Variants in ATP6V1C2 observed in about 807,000 individuals in gnomAD.
The protein encoded by ATP6V1C2 is V-type proton ATPase subunit C 2.
In ATP6V1C2, 45 loss-of-function variants were observed where a neutral mutation model predicts 56.8. The observed-to-expected ratio is 0.79, with a 90% confidence interval of 0.62 to 1.02. The LOEUF (loss-of-function observed/expected upper bound fraction) is 1.02, where lower values mean the gene tolerates loss of function less well. Ranked by LOEUF, ATP6V1C2 falls within the 50% of genes least tolerant of loss-of-function variation. The pLI is 0.00. For missense variants in ATP6V1C2, 463 were observed against 519.7 expected, an observed-to-expected ratio of 0.89 and a Z score of 1.06; for synonymous variants, 220 against 201.3, an observed-to-expected ratio of 1.09 and a Z score of -0.79.
At chr2:10,759,227 C>T (rs1257233898) in intron 4 of ATP6V1C2, among the ~76,000 whole-genome samples, 3 of 152,200 alleles carry the variant, frequency 2.0e-5, no homozygotes, top group Admixed American at 6.5e-5. Flanking sequence ...CTCTTGGCTT[C>T]GTCAGGACCG....
chr2:10,762,823 G>A (rs1455167848), intron 4 of ATP6V1C2, among the ~76,000 whole-genome samples: 1 of 151,808 alleles, frequency 6.6e-6, no homozygotes, highest in Non-Finnish European at 1.5e-5. Context: ...CTGTCTAGTC[G>A]GTCCTCCCCT....
chr2:10,773,758 C>G (rs1287847497), intron 8 of ATP6V1C2, among the ~76,000 whole-genome samples: 1 of 152,222 alleles, frequency 6.6e-6, no homozygotes, highest in East Asian at 1.9e-4. Context: ...GAATGCGCGT[C>G]AGGCAGCCAG....
intron 4 of ATP6V1C2, among the ~76,000 whole-genome samples, chr2:10,756,549 C>T (rs1191727818): frequency 1.3e-5 from 2 of 151,832 alleles, no homozygotes; most frequent in Non-Finnish European, 2.9e-5. Context: ...GAAATACTGT[C>T]TCTACTAAAA....
intron 3 of ATP6V1C2, among the ~76,000 whole-genome samples, chr2:10,738,630 T>C (rs1426942878): frequency 6.6e-6 from 1 of 152,170 alleles, no homozygotes; most frequent in East Asian, 1.9e-4. Context: ...TGGCAGCCAT[T>C]TGGACGTTCC....
At chr2:10,736,276 G>A (rs1268854822) in intron 3 of ATP6V1C2, among the ~76,000 whole-genome samples, 1 of 152,180 alleles carries the variant, frequency 6.6e-6, no homozygotes, top group African/African-American at 2.4e-5. Context: ...ATGTCATTAT[G>A]ACATGTTTGG....
intron 4 of ATP6V1C2, among the ~76,000 whole-genome samples, chr2:10,756,848 G>A (rs58364209): frequency 0.19 from 29,307 of 151,998 alleles, 3,123 homozygotes; most frequent in East Asian, 0.37. Context: ...TGTTCACACA[G>A]TGACAAAAAT....
chr2:10,723,837 CA>C (rs145669254), intron 2 of ATP6V1C2, among the ~76,000 whole-genome samples: 57 of 122,972 alleles, frequency 4.6e-4, no homozygotes, highest in African/African-American at 9.2e-4. Flanking sequence ...GACTCTGTCT[CA>C]AAAAAAAAAA....
At chr2:10,746,566 G>A (rs1481882644) in intron 3 of ATP6V1C2, among the ~76,000 whole-genome samples, 1 of 151,648 alleles carries the variant, frequency 6.6e-6, no homozygotes, top group African/African-American at 2.4e-5. Context: ...GCGCCCACCA[G>A]CACGCCAGGC....
chr2:10,757,345 A>T, intron 4 of ATP6V1C2: 1 of 398,018 alleles, frequency 2.5e-6, no homozygotes. Flanking sequence ...TTAAATTGAC[A>T]TATGGAAATG....
In ATP6V1C2 at chr2:10,726,574, A is replaced by C. The variant is rs778967006; in HGVS notation, c.197+5A>C. ...ACTCGACACCTTTGCTGAAAGGTAAAATATTCCTTATTTACTACATACAAG... is the reference window on the plus strand; with the variant it reads ...ACTCGACACCTTTGCTGAAAGGTAACATATTCCTTATTTACTACATACAAG... On this transcript the variant is annotated splice_donor_5th_base_variant and intron_variant, in intron 3 of 13. Transcript: ENST00000272238. 2 of 1,608,578 alleles carry C rather than the reference A, an allele frequency of 1.2e-6. No homozygotes were observed. Among genetic ancestry groups the C allele is most frequent in the Non-Finnish European group, 1.7e-6 (2 of 1,175,002 alleles).
At chr2:10,779,089 A>G in intron 12 of ATP6V1C2, among the ~76,000 whole-genome samples, 1 of 148,406 alleles carries the variant, frequency 6.7e-6, no homozygotes, top group East Asian at 2.0e-4. Context: ...ACCAACAACA[A>G]CAAAGCTTAT....
rs552175852 is a variant in ATP6V1C2, at chr2:10,784,471, C to A, written c.*1208C>A. 5.1e-6 allele frequency: 3 copies of A among 590,748 alleles called. No individual in the cohort carries two copies. The highest frequency in any genetic ancestry group is 1.9e-5 in the African/African-American group (1 of 53,670). The allele number at this position is 590,748 out of a possible 1,614,324, so 36.6% of individuals were successfully genotyped here. On this transcript the variant is annotated 3_prime_UTR_variant, in exon 14 of 14. Coordinates refer to ENST00000272238, the MANE Select transcript of ATP6V1C2 (RefSeq NM_001039362.2). ...TCAGTCTGACTCCTACCCTGACCTT[C>A]GTACCTATGATTATACGGATGGAAA...
chr2:10,743,981 CAAAAAA>C (rs61311440), intron 3 of ATP6V1C2, among the ~76,000 whole-genome samples: 84 of 90,708 alleles, frequency 9.3e-4, no homozygotes, highest in Admixed American at 1.8e-3. Context: ...GATTCAGTCT[CAAAAAA>C]AAAAAAAAAA....
intron 3 of ATP6V1C2, among the ~76,000 whole-genome samples, chr2:10,733,168 G>A (rs1352596445): frequency 6.6e-6 from 1 of 152,140 alleles, no homozygotes; most frequent in African/African-American, 2.4e-5. Context: ...TCAGGGGGAA[G>A]GAAAATGGTG....
chr2:10,727,891 A>C (rs894961645), intron 3 of ATP6V1C2, among the ~76,000 whole-genome samples: 44 of 152,126 alleles, frequency 2.9e-4, no homozygotes, highest in Non-Finnish European at 1.5e-4. Flanking sequence ...GTGACAGAGC[A>C]AGACTCCGTC....
intron 4 of ATP6V1C2, among the ~76,000 whole-genome samples, chr2:10,757,003 C>CTTTT (rs57191070): frequency 6.1e-5 from 5 of 81,574 alleles, no homozygotes; most frequent in Non-Finnish European, 1.1e-4. Context: ...CATGAGGAGA[C>CTTTT]TTTTTTTTTT....
intron 3 of ATP6V1C2, among the ~76,000 whole-genome samples, chr2:10,751,206 CACTGGA>C (rs1489175496): frequency 6.6e-6 from 1 of 152,108 alleles, no homozygotes; most frequent in Non-Finnish European, 1.5e-5. Flanking sequence ...GGATTGAGGT[CACTGGA>C]ACTGGGAGGG....
chr2:10,777,763 T>C (rs1243514907), intron 11 of ATP6V1C2, 41 bp downstream of exon 11: 2 of 1,574,576 alleles, frequency 1.3e-6, no homozygotes, highest in South Asian at 2.3e-5. Flanking sequence ...CTGGCTCACA[T>C]CTCCTCGCCA....
rs773176724 is a variant in ATP6V1C2, at chr2:10,785,017, C to CAA, written c.*1757_*1758dup. The CAA allele has an allele frequency of 6.3e-7, 1 of 1,577,972 alleles. No individual in the cohort carries two copies. The highest frequency in any genetic ancestry group is 1.8e-5 in the Admixed American group (1 of 55,584). On this transcript the variant is annotated 3_prime_UTR_variant, in exon 14 of 14. Coordinates refer to ENST00000272238, the MANE Select transcript of ATP6V1C2 (RefSeq NM_001039362.2). ...CCTACAGGTGCCGTGGAGCCACGCC[C>CAA]AAAAGAGAGCTCCCTTAGGGAAAAA...
Sources: allele counts gnomAD v4.1 joint callset (sites outside exome capture counted in the v4.1 genomes callset), GRCh38; gene constraint gnomAD v4.1.1; transcripts MANE v1.5; gene names NCBI Gene and HGNC (gene_info 2026-07-23, HGNC 2026-07-21).